Variants in CDKAL1 observed in about 807,000 individuals in gnomAD.
The protein encoded by CDKAL1 is threonylcarbamoyladenosine tRNA methylthiotransferase.
A neutral mutation model predicts 68.2 loss-of-function variants in CDKAL1; 32 were observed. That is an observed-to-expected ratio of 0.47 (90% CI 0.35 to 0.63). The LOEUF (loss-of-function observed/expected upper bound fraction) is 0.63. Among genes scored for constraint, CDKAL1 ranks in the 30% least tolerant of loss-of-function variants. CDKAL1 has a pLI of 0.00. For missense variants in CDKAL1, 606 were observed against 696.7 expected, an observed-to-expected ratio of 0.87 and a Z score of 1.47; for synonymous variants, 234 against 244.3, an observed-to-expected ratio of 0.96 and a Z score of 0.39.
intron 13 of CDKAL1, among the ~76,000 whole-genome samples, chr6:21,159,159 A>T (rs902561037): frequency 2.0e-5 from 3 of 150,586 alleles, no homozygotes; most frequent in African/African-American, 4.9e-5. Flanking sequence ...CAAAAAAAGC[A>T]GTTTCTATAG....
intron 7 of CDKAL1, among the ~76,000 whole-genome samples, chr6:20,766,957 T>A (rs1379731094): frequency 6.6e-6 from 1 of 152,156 alleles, no homozygotes; most frequent in Non-Finnish European, 1.5e-5. Flanking sequence ...CCATACAAAA[T>A]GTTCACTTAA....
chr6:21,150,110 G>A (rs557422860), intron 13 of CDKAL1, among the ~76,000 whole-genome samples: 14 of 152,114 alleles, frequency 9.2e-5, no homozygotes, highest in South Asian at 6.2e-4. Context: ...CGCCCGCCTC[G>A]GCCTCCCAAA....
chr6:20,859,437 A>C (rs879730453), intron 9 of CDKAL1, among the ~76,000 whole-genome samples: 7 of 152,214 alleles, frequency 4.6e-5, no homozygotes, highest in Non-Finnish European at 1.0e-4. Context: ...ACTGCGGAAT[A>C]GGAGGAAGCC....
rs550261440 is a variant in CDKAL1 at position 20,655,082 on chromosome 6, A to G, written c.371+5705A>G. Among the ~76,000 whole-genome samples the G allele has an allele frequency of 4.6e-5, 7 of 152,312 alleles. No homozygotes were observed. In the South Asian group the frequency reaches 1.4e-3, roughly 32 times the overall value. On this transcript the variant is annotated intron_variant, in intron 5 of 15. Transcript: ENST00000274695. The stretch of plus-strand genomic sequence containing the variant: ...TCTTTTCTTTCTATAGCTCTTGTGC[A>G]TCTTTTAGACTTTTTTCTCCCAATG...
intron 4 of CDKAL1, among the ~76,000 whole-genome samples, chr6:20,583,371 G>C (rs945810315): frequency 5.3e-4 from 80 of 152,268 alleles, no homozygotes; most frequent in African/African-American, 1.8e-3. Flanking sequence ...GAATGTAAGA[G>C]TAATGTTCTG....
intron 7 of CDKAL1, chr6:20,772,898 G>A (rs1775006643): frequency 6.6e-6 from 1 of 152,176 alleles, no homozygotes; most frequent in South Asian, 2.1e-4. Context: ...TTAAACTCTG[G>A]AAATGCACCT....
chr6:21,039,435 A>G (rs1769786521), intron 11 of CDKAL1, among the ~76,000 whole-genome samples: 2 of 152,172 alleles, frequency 1.3e-5, no homozygotes, highest in South Asian at 4.1e-4. Flanking sequence ...TCACTCAGCA[A>G]TTAGTTTTCT....
At chr6:21,017,640 A>G (rs1768418080) in intron 11 of CDKAL1, among the ~76,000 whole-genome samples, 2 of 152,152 alleles carry the variant, frequency 1.3e-5, no homozygotes, top group African/African-American at 4.8e-5. Flanking sequence ...CAAAATACGT[A>G]TTGCCTTCCT....
At chr6:20,731,830 A>C (rs1257538797) in intron 5 of CDKAL1, among the ~76,000 whole-genome samples, 1 of 152,178 alleles carries the variant, frequency 6.6e-6, no homozygotes, top group African/African-American at 2.4e-5. Flanking sequence ...GCCCAGGCAC[A>C]GAACTCATAA....
chr6:21,104,193 G>C (rs1481513268), intron 12 of CDKAL1, among the ~76,000 whole-genome samples: 4 of 150,584 alleles, frequency 2.7e-5, no homozygotes, highest in Non-Finnish European at 5.9e-5. Flanking sequence ...AAAGCCACTT[G>C]GAATATTTTT....
intron 11 of CDKAL1, among the ~76,000 whole-genome samples, chr6:21,044,900 A>T (rs552046920): frequency 2.5e-3 from 377 of 152,302 alleles, no homozygotes; most frequent in African/African-American, 8.6e-3. Flanking sequence ...GTCTATGATC[A>T]AGGCACCAGC....
At chr6:20,948,331 C>T (rs1489718399) in intron 9 of CDKAL1, among the ~76,000 whole-genome samples, 1 of 152,056 alleles carries the variant, frequency 6.6e-6, no homozygotes, top group African/African-American at 2.4e-5. Context: ...AGGGAAAGAC[C>T]TTTAGGACCA....
chr6:21,109,923 C>T (rs1774037927), intron 13 of CDKAL1, among the ~76,000 whole-genome samples: 2 of 152,216 alleles, frequency 1.3e-5, no homozygotes, highest in Admixed American at 6.5e-5. Flanking sequence ...AAATTCCATT[C>T]TTCTTTTATT....
intron 11 of CDKAL1, among the ~76,000 whole-genome samples, chr6:21,027,116 C>T (rs903595315): frequency 6.6e-6 from 1 of 152,150 alleles, no homozygotes; most frequent in Non-Finnish European, 1.5e-5. Context: ...CACCAACAGC[C>T]ACCCCCGCCC....
chr6:20,995,014 A>G (rs562614649), intron 10 of CDKAL1, among the ~76,000 whole-genome samples: 2 of 152,352 alleles, frequency 1.3e-5, no homozygotes, highest in East Asian at 3.9e-4. Context: ...CAGTCTTCAC[A>G]GTGTCTTCAA....
intron 13 of CDKAL1, among the ~76,000 whole-genome samples, chr6:21,159,695 C>G: frequency 6.6e-6 from 1 of 152,230 alleles, no homozygotes; most frequent in East Asian, 1.9e-4. Context: ...CTGGTTTACA[C>G]GGTTCTCACA....
chr6:20,728,900 G>A (rs192770453), intron 5 of CDKAL1, among the ~76,000 whole-genome samples: 1 of 151,498 alleles, frequency 6.6e-6, no homozygotes, highest in African/African-American at 2.4e-5. Context: ...AAATGATTTG[G>A]GATGTAGTTC....
chr6:20,773,593 G>T (rs1775037886), intron 7 of CDKAL1, among the ~76,000 whole-genome samples: 1 of 151,700 alleles, frequency 6.6e-6, no homozygotes, highest in Admixed American at 6.6e-5. Context: ...TGTAGCCCAG[G>T]CTGGAGTGCA....
At chr6:21,075,100 A>G (rs1257846442) in intron 12 of CDKAL1, among the ~76,000 whole-genome samples, 1 of 145,584 alleles carries the variant, frequency 6.9e-6, no homozygotes, top group Non-Finnish European at 1.5e-5. Context: ...ATGCTAACCC[A>G]TTATTAGAAG....
Sources: gnomAD v4.1 joint callset for allele counts (sites outside exome capture counted in the v4.1 genomes callset) on GRCh38, gnomAD v4.1.1 for gene constraint, MANE v1.5 for transcripts, NCBI Gene and HGNC (gene_info 2026-07-23, HGNC 2026-07-21) for gene names.